MACROD2: variants seen among roughly 807,000 people sequenced by gnomAD.
The protein encoded by MACROD2 is ADP-ribose glycohydrolase MACROD2.
A neutral mutation model predicts 70.4 loss-of-function variants in MACROD2; 36 were observed. The observed-to-expected ratio is 0.51, with a 90% confidence interval of 0.39 to 0.68. The LOEUF is 0.68. Ranked by LOEUF, MACROD2 falls within the 30% of genes least tolerant of loss-of-function variation. The probability of loss-of-function intolerance (pLI) is 0.00; values close to 1 mark genes in which losing one functional copy is unlikely to be tolerated. For missense variants in MACROD2, 496 were observed against 538.4 expected (o/e 0.92, Z 0.78); for synonymous variants, 172 against 178.8 (o/e 0.96, Z 0.30).
At chr20:15,870,365 T>C (rs175798) in intron 9 of MACROD2, among the ~76,000 whole-genome samples, 2,439 of 152,162 alleles carry the variant, frequency 0.016, 47 homozygotes, top group Middle Eastern at 0.061. Flanking sequence ...TGGAAAATTC[T>C]AAATATATAG....
chr20:15,210,766 C>T, intron 5 of MACROD2, among the ~76,000 whole-genome samples: 1 of 152,006 alleles, frequency 6.6e-6, no homozygotes, highest in East Asian at 1.9e-4. Context: ...CACCTCCATA[C>T]TCTCTCTCTT....
intron 7 of MACROD2, among the ~76,000 whole-genome samples, chr20:15,455,521 T>C (rs976555820): frequency 6.6e-6 from 1 of 152,170 alleles, no homozygotes; most frequent in Admixed American, 6.5e-5. Flanking sequence ...TACATACCCT[T>C]GGGGTACTAC....
chr20:14,933,076 C>CTT (rs35220287), intron 5 of MACROD2, among the ~76,000 whole-genome samples: 5 of 148,268 alleles, frequency 3.4e-5, no homozygotes, highest in Non-Finnish European at 7.5e-5. Flanking sequence ...TTAACGTAAC[C>CTT]TTTTTTTTTT....
At chr20:15,733,735 A>G (rs1474371469) in intron 8 of MACROD2, among the ~76,000 whole-genome samples, 1 of 152,176 alleles carries the variant, frequency 6.6e-6, no homozygotes, top group South Asian at 2.1e-4. Context: ...CATACATACA[A>G]ACACACTAAT....
At position 16,049,928 on chromosome 20, in the gene MACROD2, T is replaced by C; in HGVS notation, c.*52T>C. 1.1e-6 allele frequency: 1 copy of C among 896,806 alleles called. No homozygotes were observed. The highest frequency in any genetic ancestry group is 1.4e-5 in the South Asian group (1 of 70,730). 55.6% of individuals were successfully genotyped at this position (896,806 alleles called of 1,614,324 possible). On this transcript the variant is annotated 3_prime_UTR_variant, in exon 18 of 18. Transcript: ENST00000684519. Reference sequence around the variant, plus strand: ...CTGGCTCTGGGGGAGCTCGGGAAGATAGCAGCACACGCTGTGGAGGAGGGT... The same window carrying C: ...CTGGCTCTGGGGGAGCTCGGGAAGACAGCAGCACACGCTGTGGAGGAGGGT...
At chr20:14,413,441 G>A (rs540648917) in intron 3 of MACROD2, among the ~76,000 whole-genome samples, 4 of 151,904 alleles carry the variant, frequency 2.6e-5, no homozygotes, top group Non-Finnish European at 5.9e-5. Flanking sequence ...GTTTGTCATT[G>A]TGCTTCCTAA....
At chr20:15,454,123 A>G (rs60053857) in intron 7 of MACROD2, among the ~76,000 whole-genome samples, 3,540 of 152,186 alleles carry the variant, frequency 0.023, 133 homozygotes, top group African/African-American at 0.079. Flanking sequence ...AGAGGAGGCA[A>G]TTGTAATAGG....
At chr20:14,577,912 A>G (rs778187085) in intron 4 of MACROD2, among the ~76,000 whole-genome samples, 4 of 152,162 alleles carry the variant, frequency 2.6e-5, no homozygotes, top group Non-Finnish European at 4.4e-5. Flanking sequence ...AAAGTAGAAG[A>G]AATGGATATC....
At chr20:14,530,081 A>G (rs1051143051) in intron 4 of MACROD2, among the ~76,000 whole-genome samples, 16 of 152,168 alleles carry the variant, frequency 1.1e-4, no homozygotes, top group African/African-American at 3.6e-4. Context: ...GAGAAATGGT[A>G]CAGAATTACA....
chr20:15,892,282 T>TTAAC (rs1404584938), intron 10 of MACROD2, among the ~76,000 whole-genome samples: 1 of 152,136 alleles, frequency 6.6e-6, no homozygotes, highest in Non-Finnish European at 1.5e-5. Flanking sequence ...AATACATAAA[T>TTAAC]TAACACCTAA....
At chr20:15,714,828 A>G (rs1450481221) in intron 8 of MACROD2, among the ~76,000 whole-genome samples, 1 of 152,210 alleles carries the variant, frequency 6.6e-6, no homozygotes, top group Admixed American at 6.5e-5. Flanking sequence ...AACATGATAT[A>G]GATATATGTG....
Position 14,820,800 on chromosome 20 carries a change from C to T in MACROD2, c.418+135841C>T, listed in dbSNP as rs1047157271. Among the ~76,000 whole-genome samples the T allele has an allele frequency of 4.0e-5, 6 of 151,800 alleles. No individual in the cohort carries two copies. In the South Asian group the frequency reaches 6.2e-4, roughly 16 times the overall value. On this transcript the variant is annotated intron_variant, in intron 5 of 17. Transcript: ENST00000684519. ...GGATTTTACTTACTCATTCGTTGTG[C>T]GCTGCTGTGTTTTTGTTCTCCATCT...
chr20:15,082,312 CA>C (rs1429481523), intron 5 of MACROD2, among the ~76,000 whole-genome samples: 1 of 152,054 alleles, frequency 6.6e-6, no homozygotes, highest in African/African-American at 2.4e-5. Context: ...AAGAAACAAA[CA>C]AAAACTTTTA....
At chr20:14,512,431 T>G (rs565877762) in intron 4 of MACROD2, among the ~76,000 whole-genome samples, 1 of 152,148 alleles carries the variant, frequency 6.6e-6, no homozygotes, top group South Asian at 2.1e-4. Flanking sequence ...CATGGAGGTA[T>G]TAGGGCCATG....
intron 8 of MACROD2, among the ~76,000 whole-genome samples, chr20:15,821,432 G>A (rs1002849519): frequency 2.6e-5 from 4 of 151,682 alleles, no homozygotes; most frequent in African/African-American, 9.7e-5. Flanking sequence ...AAGTATATTG[G>A]GTGCTAATAA....
chr20:16,019,851 A>T (rs1391357085), intron 15 of MACROD2, among the ~76,000 whole-genome samples: 1 of 152,110 alleles, frequency 6.6e-6, no homozygotes, highest in African/African-American at 2.4e-5. Flanking sequence ...TAGGGCACAT[A>T]GAGATCACAC....
rs749161937 is a variant in MACROD2, at chr20:14,390,725, T to C, written c.272-102754T>C. On this transcript the variant is annotated intron_variant, in intron 3 of 17. Transcript: ENST00000684519. Reference sequence around the variant, plus strand: ...AAAACTGGACCCCTTACTTATACCATATACAAAAATTAACTCAAGAATGGA... The same window carrying C: ...AAAACTGGACCCCTTACTTATACCACATACAAAAATTAACTCAAGAATGGA... Among the ~76,000 whole-genome samples the C allele has an allele frequency of 2.6e-5, 4 of 152,138 alleles. No individual in the cohort carries two copies. In the South Asian group the frequency reaches 8.3e-4, roughly 31 times the overall value.
At chr20:14,445,199 C>T (rs771729706) in intron 3 of MACROD2, among the ~76,000 whole-genome samples, 12 of 152,182 alleles carry the variant, frequency 7.9e-5, no homozygotes, top group East Asian at 5.8e-4. Context: ...CCAGCCACAG[C>T]GGTCTTTCTA....
In MACROD2 at chr20:15,204,188, T is replaced by C. The variant is rs547122092; in HGVS notation, c.419-25752T>C. ...AAGCATCTATCACTTGTTTTTAACT[T>C]CTCAACTAGTTTTCACAATTTGTTG... On this transcript the variant is annotated intron_variant, in intron 5 of 17. Transcript: ENST00000684519. Among the ~76,000 whole-genome samples the C allele has an allele frequency of 1.5e-4, 23 of 152,294 alleles. No homozygotes were observed. The East Asian group carries it at 2.3e-3, about 15-fold the overall frequency.
Sources: allele counts gnomAD v4.1 joint callset (sites outside exome capture counted in the v4.1 genomes callset), GRCh38; gene constraint gnomAD v4.1.1; transcripts MANE v1.5; gene names NCBI Gene and HGNC (gene_info 2026-07-23, HGNC 2026-07-21).